Variants in IKBKE observed in about 807,000 individuals in gnomAD.
IKBKE encodes the protein inhibitor of nuclear factor kappa B kinase subunit epsilon, also known as inhibitor of nuclear factor kappa-B kinase subunit epsilon.
IKBKE carries 45 observed loss-of-function variants against 92.1 expected under a neutral mutation model. The observed-to-expected ratio is 0.49, with a 90% CI of 0.38 to 0.63. The LOEUF is 0.63. Ranked by LOEUF, IKBKE falls within the 20% of genes least tolerant of loss-of-function variation. The pLI, the probability that IKBKE is intolerant of heterozygous loss-of-function variation, is 0.00. For missense variants in IKBKE, 700 were observed against 932.8 expected (o/e 0.75, Z 3.25); for synonymous variants, 374 against 380.3 (o/e 0.98, Z 0.19).
In IKBKE at chr1:206,480,641, G is replaced by T; in HGVS notation, c.1427+108G>T. ...TCTTCTCCCCCAAGCCAGGGCTACT[G>T]CCTTCCCTGCCCTCCTAGAATAGAG... On this transcript the variant is annotated intron_variant, in intron 13 of 21. Coordinates refer to ENST00000581977, the MANE Select transcript of IKBKE (RefSeq NM_014002.4). The T allele has an allele frequency of 3.7e-6, 3 of 811,142 alleles. No homozygotes were observed. The Admixed American group carries it at 6.1e-5, about 16-fold the overall frequency. The allele number at this position is 811,142 out of a possible 1,614,324, so 50.2% of individuals were successfully genotyped here.
chr1:206,477,700 G>A (rs990024610), intron 7 of IKBKE, 49 bp from the exon 8 acceptor site: 18 of 1,178,242 alleles, frequency 1.5e-5, no homozygotes, highest in East Asian at 7.8e-5. Context: ...GTCGTTGCCC[G>A]GCAATGTGAT....
At chr1:206,482,981 C>T (rs965801633) in intron 13 of IKBKE, among the ~76,000 whole-genome samples, 7 of 152,272 alleles carry the variant, frequency 4.6e-5, no homozygotes, top group Admixed American at 1.3e-4. Flanking sequence ...TATCCTGCCT[C>T]AGGTTCCCCA....
chr1:206,478,352 G>A lies in IKBKE; in HGVS notation c.992+13G>A, dbSNP rs367868938. On this transcript the variant is annotated intron_variant, in intron 9 of 21. Coordinates refer to ENST00000581977, the MANE Select transcript of IKBKE (RefSeq NM_014002.4). This position sits in a 1 kb window ranked among gnomAD's most constrained non-coding sequence, Gnocchi z 4.8. ...ATGCCCACAACACGTAAGTGGGGGC[G>A]AGGGAGGGAAGCGGTGAGAACCTTC... 1.6e-4 allele frequency: 261 copies of A among 1,610,306 alleles called. No individual in the cohort carries two copies. The highest frequency in any genetic ancestry group is 5.1e-4 in the African/African-American group (38 of 75,058).
rs17024805 is a variant in IKBKE at position 206,492,425 on chromosome 1, G to A, written c.1836-598G>A. 8.6e-3 allele frequency: 4,031 copies of A among 471,190 alleles called. 145 individuals carry two copies. The highest frequency in any genetic ancestry group is 0.074 in the African/African-American group (3,688 of 50,170). The allele number at this position is 471,190 out of a possible 1,614,324, so 29.2% of individuals were successfully genotyped here. Reference sequence around the variant, plus strand: ...GGGGCTGAGACCTTGGCACTCACCCGTCCTCATATCAGAATACCAATGCCT... The same window carrying A: ...GGGGCTGAGACCTTGGCACTCACCCATCCTCATATCAGAATACCAATGCCT... On this transcript the variant is annotated intron_variant, in intron 18 of 21. Coordinates refer to ENST00000581977, the MANE Select transcript of IKBKE (RefSeq NM_014002.4).
At position 206,477,824 on chromosome 1, in the gene IKBKE, G is replaced by A; in HGVS notation, c.777G>A (p.Trp259Ter). Reference protein sequence around the residue: ...AQRRENGPLEWSYTLPITCQL... With the variant: ...AQRRENGPLE ...GGCGGGAGAACGGGCCCCTGGAGTG[G>A]AGCTACACCCTCCCCATCACCTGCC... The change falls in exon 8 of 22, where the codon TGG becomes TGA. Residue 259 changes from tryptophan (W) to a stop codon, truncating the protein, a stop_gained. Transcript: ENST00000581977. LOFTEE classifies it high-confidence loss of function. 1 of 1,558,518 alleles carries A rather than the reference G, an allele frequency of 6.4e-7. No homozygotes were observed. Among genetic ancestry groups the A allele is most frequent in the East Asian group, 2.4e-5 (1 of 41,344 alleles).
At chr1:206,495,408 A>G (rs1415227932) in intron 21 of IKBKE, among the ~76,000 whole-genome samples, 2 of 152,166 alleles carry the variant, frequency 1.3e-5, no homozygotes, top group Non-Finnish European at 2.9e-5. Context: ...TGTGGAGGGA[A>G]GGGCTCACTA....
chr1:206,480,141 A>T, intron 12 of IKBKE, 28 bp downstream of exon 12: 2 of 1,310,856 alleles, frequency 1.5e-6, no homozygotes, highest in Non-Finnish European at 2.0e-6. Context: ...CTGGGCACAG[A>T]GGGGGAGGCG....
chr1:206,491,860 G>C, intron 18 of IKBKE, 111 bp downstream of exon 18: 5 of 756,086 alleles, frequency 6.6e-6, no homozygotes, highest in South Asian at 5.8e-5. Flanking sequence ...GTGAGTGAAG[G>C]GGTGTGAGCA....
chr1:206,493,382 AGT>A lies in IKBKE; in HGVS notation c.2045+6_2045+7del. 1.9e-6 allele frequency: 3 copies of A among 1,597,084 alleles called. No homozygotes were observed. Among genetic ancestry groups the A allele is most frequent in the Non-Finnish European group, 2.6e-6 (3 of 1,164,558 alleles). On this transcript the variant is annotated splice_donor_5th_base_variant and intron_variant, in intron 20 of 21. Transcript: ENST00000581977. ...CACGAAAGGACCTGCTTCTCCAGTA[AGT>A]GCTGGGGAGAAAGCGGTTGTGTATC...
At position 206,476,377 on chromosome 1, in the gene IKBKE, C is replaced by T. The variant is rs782572574; in HGVS notation, c.540+15C>T. On this transcript the variant is annotated intron_variant, in intron 6 of 21. Transcript: ENST00000581977. This position sits in a 1 kb window ranked among gnomAD's most constrained non-coding sequence, Gnocchi z 5.1. ...AGGAGTACCTGGTGGGTGAGCTGCTCGAGACCCGCTGCCCTATGCTGAGGG... is the reference window on the plus strand; with the variant it reads ...AGGAGTACCTGGTGGGTGAGCTGCTTGAGACCCGCTGCCCTATGCTGAGGG... 35 of 1,593,326 alleles carry T rather than the reference C, an allele frequency of 2.2e-5. No homozygotes were observed. In the South Asian group the frequency reaches 2.3e-4, roughly 10 times the overall value.
intron 12 of IKBKE, 30 bp downstream of exon 12, chr1:206,480,143 GGGGAGGCGGGCAGGAGA>G: frequency 6.7e-7 from 1 of 1,503,718 alleles, no homozygotes; most frequent in Non-Finnish European, 8.9e-7. Flanking sequence ...GGGCACAGAG[GGGGAGGCGGGCAGGAGA>G]GGGAGGCGGA....
At chr1:206,477,390 G>A (rs1403338480) in intron 7 of IKBKE, among the ~76,000 whole-genome samples, 1 of 152,188 alleles carries the variant, frequency 6.6e-6, no homozygotes, top group Non-Finnish European at 1.5e-5. Context: ...AGACCAGCAT[G>A]GATGGGGGTT....
chr1:206,490,976 CA>C lies in IKBKE; in HGVS notation c.1733+119del. The C allele has an allele frequency of 1.1e-6, 1 of 950,738 alleles. No homozygotes were observed. Among genetic ancestry groups the C allele is most frequent in the South Asian group, 1.3e-5 (1 of 76,182 alleles). 58.9% of individuals were successfully genotyped at this position (950,738 alleles called of 1,614,324 possible). On this transcript the variant is annotated intron_variant, in intron 17 of 21. Transcript: ENST00000581977. This position sits in a 1 kb window ranked among gnomAD's most constrained non-coding sequence, Gnocchi z 5.2. ...GGCCCTGTCCCGGACTGCAGCTGAG[CA>C]GAGTTGGGGATAACAGGTTATCTGG...
rs545284753 is a variant in IKBKE at position 206,496,452 on chromosome 1, C to T, written c.*307C>T. On this transcript the variant is annotated 3_prime_UTR_variant, in exon 22 of 22. Transcript: ENST00000581977. ...TGCTCCTCCATGCCCATGGCTGGGCCGTGGGGAGAAGAAGCTCTCATACGC... is the reference window on the plus strand; with the variant it reads ...TGCTCCTCCATGCCCATGGCTGGGCTGTGGGGAGAAGAAGCTCTCATACGC... 1.2e-4 allele frequency: 48 copies of T among 414,058 alleles called. No individual in the cohort carries two copies. Among genetic ancestry groups the T allele is most frequent in the African/African-American group, 7.3e-4 (37 of 50,516 alleles). The allele number at this position is 414,058 out of a possible 1,614,324, so 25.6% of individuals were successfully genotyped here.
chr1:206,494,511 G>A (rs1362242406), intron 21 of IKBKE, among the ~76,000 whole-genome samples: 1 of 152,012 alleles, frequency 6.6e-6, no homozygotes, highest in Admixed American at 6.6e-5. Flanking sequence ...GGGGTGCTGA[G>A]GGGTCATGAG....
At chr1:206,484,791 A>G (rs948360857) in intron 13 of IKBKE, among the ~76,000 whole-genome samples, 4 of 152,136 alleles carry the variant, frequency 2.6e-5, no homozygotes, top group African/African-American at 9.7e-5. Flanking sequence ...ATTATTTGCA[A>G]TACTCAACAA....
chr1:206,471,714 G>C (rs1019930809), intron 2 of IKBKE, among the ~76,000 whole-genome samples: 5 of 152,208 alleles, frequency 3.3e-5, no homozygotes, highest in Non-Finnish European at 7.3e-5. Context: ...TACCTCAGTT[G>C]CTTCTGTGTA....
intron 13 of IKBKE, among the ~76,000 whole-genome samples, chr1:206,481,981 G>A (rs982974029): frequency 1.1e-4 from 16 of 151,560 alleles, no homozygotes; most frequent in African/African-American, 2.7e-4. Flanking sequence ...GGGTTTCACC[G>A]TTTTAGCCGG....
chr1:206,489,480 A>G (rs1665840066), intron 16 of IKBKE, among the ~76,000 whole-genome samples: 2 of 149,910 alleles, frequency 1.3e-5, no homozygotes, highest in South Asian at 4.2e-4. Context: ...AAGCGGGAGG[A>G]TCACTTGGGC....
Sources: gnomAD v4.1 joint callset for allele counts (sites outside exome capture counted in the v4.1 genomes callset) on GRCh38, gnomAD v4.1.1 for gene constraint, Gnocchi (gnomAD v3.1) non-coding constraint, MANE v1.5 for transcripts, NCBI Gene and HGNC (gene_info 2026-07-23, HGNC 2026-07-21) for gene names.